Variants in WIPF2 observed in about 807,000 individuals in gnomAD.
WIPF2 encodes WAS/WASL-interacting protein family member 2.
In WIPF2, 23 loss-of-function variants were observed where a neutral mutation model predicts 38.8. The observed-to-expected ratio is 0.59, with a 90% CI of 0.43 to 0.84. The LOEUF (loss-of-function observed/expected upper bound fraction) is 0.84. Among genes scored for constraint, WIPF2 ranks in the 40% least tolerant of loss-of-function variants. The pLI, the probability that WIPF2 is intolerant of heterozygous loss-of-function variation, is 0.00. For missense variants in WIPF2, 574 were observed against 580.5 expected (o/e 0.99, Z 0.11); for synonymous variants, 210 against 223.2 (o/e 0.94, Z 0.53).
chr17:40,277,015 G>C, intron 6 of WIPF2, 68 bp from the exon 7 acceptor site: 2 of 1,369,982 alleles, frequency 1.5e-6, no homozygotes, highest in South Asian at 2.5e-5. Flanking sequence ...GGGGAGGGTC[G>C]AAGCGATCAG....
At chr17:40,244,269 C>A (rs751015358) in intron 1 of WIPF2, among the ~76,000 whole-genome samples, 1 of 152,098 alleles carries the variant, frequency 6.6e-6, no homozygotes, top group Non-Finnish European at 1.5e-5. Context: ...ATTATAGGAA[C>A]CTGTTTGGTT....
In WIPF2 at chr17:40,261,318, A is replaced by G. The variant is rs1287767198; in HGVS notation, c.196+651A>G. 4.7e-5 allele frequency among the ~76,000 whole-genome samples: 7 copies of G among 150,090 alleles called. No homozygotes were observed. In the South Asian group the frequency reaches 1.1e-3, roughly 23 times the overall value. On this transcript the variant is annotated intron_variant, in intron 3 of 7. Coordinates refer to ENST00000323571, the MANE Select transcript of WIPF2 (RefSeq NM_133264.5). ...TTTCTTTTTTTTTTTTTAAAGACTG[A>G]GTTTTGCTCTTGTTGCCCAGGCTGG...
At chr17:40,230,031 G>C (rs2030674264) in intron 1 of WIPF2, among the ~76,000 whole-genome samples, 2 of 152,140 alleles carry the variant, frequency 1.3e-5, no homozygotes, top group African/African-American at 4.8e-5. Context: ...TTCAGAATGT[G>C]AGCTGTCCTA....
chr17:40,276,610 TG>T (rs2032408971), intron 6 of WIPF2, among the ~76,000 whole-genome samples: 1 of 147,404 alleles, frequency 6.8e-6, no homozygotes, highest in Non-Finnish European at 1.5e-5. Context: ...CCTGACTTGG[TG>T]GAAAGGTTTA....
In WIPF2 at chr17:40,264,530, T is replaced by C. The variant is rs200123078; in HGVS notation, c.354T>C (p.Ser118=). 2.2e-5 allele frequency: 36 copies of C among 1,614,072 alleles called. No individual in the cohort carries two copies. The African/African-American group carries it at 3.7e-4, about 17-fold the overall frequency. Residue 118 remains serine, a synonymous_variant, in exon 5 of 8, where the codon TCT becomes TCC. Coordinates refer to ENST00000323571, the MANE Select transcript of WIPF2 (RefSeq NM_133264.5). ...AGKPALQIPS[S]RAAAPRPPVS... ...AGCCAGCCCTGCAAATCCCCAGTTC[T>C]CGAGCTGCTGCCCCAAGGCCTCCAG...
intron 5 of WIPF2, among the ~76,000 whole-genome samples, chr17:40,273,218 A>G (rs989096181): frequency 1.3e-5 from 2 of 151,932 alleles, no homozygotes; most frequent in African/African-American, 4.8e-5. Context: ...TATTTTTAGT[A>G]GAGATGGAGT....
At chr17:40,221,213 G>T (rs2030221560) in intron 1 of WIPF2, among the ~76,000 whole-genome samples, 1 of 152,070 alleles carries the variant, frequency 6.6e-6, no homozygotes. Context: ...AATGTTTTTG[G>T]CTATTCTGTT....
intron 5 of WIPF2, among the ~76,000 whole-genome samples, chr17:40,271,678 CCTT>C (rs2032251463): frequency 6.6e-6 from 1 of 152,092 alleles, no homozygotes; most frequent in African/African-American, 2.4e-5. Flanking sequence ...TGATCTGTGA[CCTT>C]AAACAAATAA....
chr17:40,270,422 T>C (rs1028867440), intron 5 of WIPF2, among the ~76,000 whole-genome samples: 3 of 151,000 alleles, frequency 2.0e-5, no homozygotes, highest in Non-Finnish European at 4.4e-5. Flanking sequence ...CAGAAGCTTA[T>C]TGGAGACAGC....
intron 3 of WIPF2, 51 bp from the exon 4 acceptor site, chr17:40,262,474 G>T (rs760538904): frequency 7.0e-7 from 1 of 1,438,844 alleles, no homozygotes; most frequent in East Asian, 2.3e-5. Context: ...GATTTACTTG[G>T]TCACCAGCTG....
Position 40,277,185 on chromosome 17 carries a change from G to C in WIPF2, c.1282+1G>C. 1 of 1,599,156 alleles carries C rather than the reference G, an allele frequency of 6.3e-7. No homozygotes were observed. The highest frequency in any genetic ancestry group is 8.5e-7 in the Non-Finnish European group (1 of 1,170,458). On this transcript the variant is annotated splice_donor_variant, in intron 7 of 7. Coordinates refer to ENST00000323571, the MANE Select transcript of WIPF2 (RefSeq NM_133264.5). LOFTEE classifies it high-confidence loss of function. ...ATATATCCCAGCAAAACAAACCGAG[G>C]TGAGAATAATAATAAGAAGGTTTTT...
intron 2 of WIPF2, among the ~76,000 whole-genome samples, chr17:40,259,537 T>C (rs1357953661): frequency 5.3e-5 from 8 of 152,182 alleles, no homozygotes; most frequent in Admixed American, 4.6e-4. Context: ...TGTTTGTTTA[T>C]TAATGATGTG....
At chr17:40,223,320 G>C (rs1038658644) in intron 1 of WIPF2, among the ~76,000 whole-genome samples, 1 of 151,882 alleles carries the variant, frequency 6.6e-6, no homozygotes. Flanking sequence ...TGTATTTTTA[G>C]TAGAGACAGG....
At chr17:40,246,907 C>T (rs1021694852) in intron 1 of WIPF2, among the ~76,000 whole-genome samples, 4 of 151,796 alleles carry the variant, frequency 2.6e-5, no homozygotes, top group African/African-American at 9.7e-5. Flanking sequence ...ATCAGTAGTT[C>T]GAGTCCAGTC....
intron 1 of WIPF2, among the ~76,000 whole-genome samples, chr17:40,233,762 C>T (rs1348896458): frequency 1.3e-5 from 2 of 151,816 alleles, no homozygotes; most frequent in East Asian, 1.9e-4. Context: ...AACCCCGTCT[C>T]TACTAAAAAT....
At chr17:40,230,725 A>G (rs1416753873) in intron 1 of WIPF2, among the ~76,000 whole-genome samples, 1 of 152,130 alleles carries the variant, frequency 6.6e-6, no homozygotes. Context: ...TAGTGGGAGG[A>G]GCAGGGAGGA....
At chr17:40,265,878 C>T (rs2032072295) in intron 5 of WIPF2, among the ~76,000 whole-genome samples, 1 of 152,052 alleles carries the variant, frequency 6.6e-6, no homozygotes, top group African/African-American at 2.4e-5. Context: ...AAAAGGAGAC[C>T]AGTTACTGGG....
At chr17:40,221,458 A>G (rs1451314861) in intron 1 of WIPF2, among the ~76,000 whole-genome samples, 1 of 151,968 alleles carries the variant, frequency 6.6e-6, no homozygotes, top group Non-Finnish European at 1.5e-5. Flanking sequence ...TAAAAGACAT[A>G]CAATGGTGCA....
At position 40,256,018 on chromosome 17, in the gene WIPF2, C is replaced by T. The variant is rs148928070; in HGVS notation, c.-69-373C>T. Among the ~76,000 whole-genome samples, 265 of 149,320 alleles carry T rather than the reference C, an allele frequency of 1.8e-3. 2 individuals are homozygous for T. Among genetic ancestry groups the T allele is most frequent in the African/African-American group, 6.3e-3 (254 of 40,484 alleles). On this transcript the variant is annotated intron_variant, in intron 1 of 7. Transcript: ENST00000323571. ...CTGAGGTGGGAGGATTGCTGGGGCTCAGGAGTTCTAGGCTGCAGTGAGCCA... is the reference window on the plus strand; with the variant it reads ...CTGAGGTGGGAGGATTGCTGGGGCTTAGGAGTTCTAGGCTGCAGTGAGCCA...
Sources: gnomAD v4.1 joint callset for allele counts (sites outside exome capture counted in the v4.1 genomes callset) on GRCh38, gnomAD v4.1.1 for gene constraint, MANE v1.5 for transcripts, NCBI Gene and HGNC (gene_info 2026-07-23, HGNC 2026-07-21) for gene names.